CYTH3: variants seen among roughly 807,000 people sequenced by gnomAD.
CYTH3 encodes cytohesin 3, also known as cytohesin-3.
A neutral mutation model predicts 55.1 loss-of-function variants in CYTH3; 23 were observed. The ratio of observed to expected loss-of-function variants is 0.42; its 90% CI spans 0.30 to 0.59. The LOEUF (loss-of-function observed/expected upper bound fraction) is 0.59, where lower values mean the gene tolerates loss of function less well. Ranked by LOEUF, CYTH3 falls within the 20% of genes least tolerant of loss-of-function variation. The probability of loss-of-function intolerance (pLI) is 0.20; values close to 1 mark genes in which losing one functional copy is unlikely to be tolerated. For missense variants in CYTH3, 413 were observed against 524.8 expected (o/e 0.79, Z 2.08); for synonymous variants, 249 against 194.9 (o/e 1.28, Z -2.31).
chr7:6,170,264 G>A lies in CYTH3; in HGVS notation c.823+271C>T, dbSNP rs556882606. ...GCTTCTCGTGCAGGAAGCTGCCCTG[G>A]CTGGATCTGGATGCTAACTCAGCAG... On this transcript the variant is annotated intron_variant, in intron 9 of 12. Coordinates refer to ENST00000350796, the MANE Select transcript of CYTH3 (RefSeq NM_004227.4). This position sits in a 1 kb window ranked among gnomAD's most constrained non-coding sequence, Gnocchi z 7.8. 12 of 470,730 alleles carry A rather than the reference G, an allele frequency of 2.5e-5. No homozygotes were observed. Among genetic ancestry groups the A allele is most frequent in the Non-Finnish European group, 4.1e-5 (11 of 265,568 alleles). The allele number at this position is 470,730 out of a possible 1,614,324, so 29.2% of individuals were successfully genotyped here.
chr7:6,219,566 A>C (rs1396817177), intron 1 of CYTH3, among the ~76,000 whole-genome samples: 2 of 152,192 alleles, frequency 1.3e-5, no homozygotes, highest in Non-Finnish European at 2.9e-5. Context: ...CTCTTTGAAG[A>C]GATTTAAGCC....
chr7:6,255,758 GTTTTTTTTTT>G (rs397889923), intron 1 of CYTH3, among the ~76,000 whole-genome samples: 6 of 89,418 alleles, frequency 6.7e-5, no homozygotes, highest in Admixed American at 3.9e-4. Flanking sequence ...CCTTTAATCT[GTTTTTTTTTT>G]TTTTTTTTTT....
intron 1 of CYTH3, among the ~76,000 whole-genome samples, chr7:6,224,078 A>G (rs545861340): frequency 4.2e-4 from 64 of 152,224 alleles, no homozygotes; most frequent in African/African-American, 1.5e-3. Context: ...TCACACAGAA[A>G]AAAAGCAAAT....
rs548665331 is a variant in CYTH3 at position 6,164,704 on chromosome 7, A to G, written c.*240T>C. Reference sequence around the variant, plus strand: ...ACCCCAGCCACGGCAGGAGGCCTCGAGGATCAGTCTGGGCCACGGTACGCT... The same window carrying G: ...ACCCCAGCCACGGCAGGAGGCCTCGGGGATCAGTCTGGGCCACGGTACGCT... On this transcript the variant is annotated 3_prime_UTR_variant, in exon 13 of 13. Coordinates refer to ENST00000350796, the MANE Select transcript of CYTH3 (RefSeq NM_004227.4). 3 of 570,556 alleles carry G rather than the reference A, an allele frequency of 5.3e-6. No individual in the cohort carries two copies. In the Admixed American group the frequency reaches 9.4e-5, roughly 18 times the overall value. The allele number at this position is 570,556 out of a possible 1,614,324, so 35.3% of individuals were successfully genotyped here.
rs570466183 is a variant in CYTH3 at position 6,225,075 on chromosome 7, G to C, written c.35-34544C>G. ...GACTGCAAACAGGAGTGAGGGATCT[G>C]TTAGGGGTGAAGAAATGTTCTAAAA... On this transcript the variant is annotated intron_variant, in intron 1 of 12. Transcript: ENST00000350796. Among the ~76,000 whole-genome samples the C allele has an allele frequency of 2.0e-5, 3 of 152,312 alleles. 1 individual carries two copies. The highest frequency in any genetic ancestry group is 6.5e-5 in the Admixed American group (1 of 15,308).
chr7:6,220,595 A>C lies in CYTH3; in HGVS notation c.35-30064T>G, dbSNP rs75795597. Among the ~76,000 whole-genome samples the C allele has an allele frequency of 1.2e-3, 180 of 151,268 alleles. 1 individual carries two copies. The highest frequency in any genetic ancestry group is 4.2e-3 in the African/African-American group (174 of 41,288). ...GTCTCAAAAAAAAAAAAAAAAAAAA[A>C]CCAAAGGCTGGCAAAGATGTGGACA... On this transcript the variant is annotated intron_variant, in intron 1 of 12. Transcript: ENST00000350796.
rs986703442 is a variant in CYTH3, at chr7:6,165,217, G to A, written c.1127+56C>T. 2.9e-5 allele frequency: 45 copies of A among 1,576,966 alleles called. No homozygotes were observed. In the South Asian group the frequency reaches 4.1e-4, roughly 14 times the overall value. On this transcript the variant is annotated intron_variant, in intron 12 of 12. Coordinates refer to ENST00000350796, the MANE Select transcript of CYTH3 (RefSeq NM_004227.4). ...GCATCCATGTTCCAGACCATCCCCC[G>A]CCCTCCAACCGGCACGAGAAGACGG... is the stretch of plus-strand genomic sequence containing the variant.
At position 6,190,429 on chromosome 7, in the gene CYTH3, T is replaced by G. The variant is rs770671901; in HGVS notation, c.117+20A>C. 130 of 157,372 alleles carry G rather than the reference T, an allele frequency of 8.3e-4. No homozygotes were observed. Among genetic ancestry groups the G allele is most frequent in the Non-Finnish European group, 1.6e-3 (130 of 80,966 alleles). 9.7% of individuals were successfully genotyped at this position (157,372 alleles called of 1,614,324 possible). Reference sequence around the variant, plus strand: ...AAAAAACAGAGTTTTGGATTTTTGGTTTTTTTTTTTTTTTTTTACCTCAAT... The same window carrying G: ...AAAAAACAGAGTTTTGGATTTTTGGGTTTTTTTTTTTTTTTTTACCTCAAT... On this transcript the variant is annotated intron_variant, in intron 2 of 12. Coordinates refer to ENST00000350796, the MANE Select transcript of CYTH3 (RefSeq NM_004227.4).
At chr7:6,197,976 C>T (rs1783973831) in intron 1 of CYTH3, among the ~76,000 whole-genome samples, 1 of 151,888 alleles carries the variant, frequency 6.6e-6, no homozygotes, top group African/African-American at 2.4e-5. Flanking sequence ...TGCCCACAGT[C>T]CCGGGTACTC....
At chr7:6,254,879 A>G (rs572222322) in intron 1 of CYTH3, among the ~76,000 whole-genome samples, 1 of 152,362 alleles carries the variant, frequency 6.6e-6, no homozygotes, top group African/African-American at 2.4e-5. Context: ...GATTCATCGT[A>G]CCATTCCTTC....
At chr7:6,205,501 G>C (rs1038806418) in intron 1 of CYTH3, among the ~76,000 whole-genome samples, 2 of 149,004 alleles carry the variant, frequency 1.3e-5, no homozygotes, top group East Asian at 4.0e-4. Flanking sequence ...TTGAACCCAG[G>C]AGGTAGAAGT....
chr7:6,176,288 G>C (rs1385078034), intron 5 of CYTH3, among the ~76,000 whole-genome samples: 1 of 119,946 alleles, frequency 8.3e-6, no homozygotes, highest in African/African-American at 3.4e-5. Context: ...TTGAGCCAGA[G>C]TCTCACTCTG....
chr7:6,207,455 A>G lies in CYTH3; in HGVS notation c.35-16924T>C, dbSNP rs140676306. Among the ~76,000 whole-genome samples the G allele has an allele frequency of 1.2e-3, 183 of 152,222 alleles. 1 individual carries two copies. Among genetic ancestry groups the G allele is most frequent in the African/African-American group, 4.2e-3 (174 of 41,534 alleles). On this transcript the variant is annotated intron_variant, in intron 1 of 12. Transcript: ENST00000350796. ...TAAAGAATGCCTACTTTTTAATGGA[A>G]TAGCATTTAATTCAAACTTGATGTT...
At chr7:6,250,811 G>A (rs1339835463) in intron 1 of CYTH3, among the ~76,000 whole-genome samples, 1 of 152,190 alleles carries the variant, frequency 6.6e-6, no homozygotes, top group Non-Finnish European at 1.5e-5. Flanking sequence ...AATTTAAAAG[G>A]ATGACTATAA....
At chr7:6,198,902 T>C (rs936325848) in intron 1 of CYTH3, among the ~76,000 whole-genome samples, 3 of 151,958 alleles carry the variant, frequency 2.0e-5, no homozygotes, top group African/African-American at 7.3e-5. Flanking sequence ...TAGGAAAGGG[T>C]CCTTCAGACT....
intron 1 of CYTH3, among the ~76,000 whole-genome samples, chr7:6,234,019 C>T (rs757343603): frequency 3.3e-5 from 5 of 152,194 alleles, no homozygotes; most frequent in Non-Finnish European, 5.9e-5. Context: ...AGAACCACCT[C>T]CTAGTACCAT....
intron 4 of CYTH3, among the ~76,000 whole-genome samples, chr7:6,178,844 G>A (rs1257851518): frequency 6.6e-6 from 1 of 152,182 alleles, no homozygotes; most frequent in Non-Finnish European, 1.5e-5. Flanking sequence ...TGAATCAGCT[G>A]AGCACTGTCT....
At chr7:6,216,869 A>G (rs1020434155) in intron 1 of CYTH3, among the ~76,000 whole-genome samples, 1 of 151,966 alleles carries the variant, frequency 6.6e-6, no homozygotes, top group Admixed American at 6.6e-5. Flanking sequence ...AGGAAAAAAA[A>G]AAAAAAAAGA....
At position 6,161,886 on chromosome 7, in the gene CYTH3, G is replaced by A. The variant is rs886152286; in HGVS notation, c.*3058C>T. ...CACTTTACAACCAAGTATCAATAGA[G>A]GCTGTTCCTTCATGCGAGCTGTGGG... On this transcript the variant is annotated 3_prime_UTR_variant, in exon 13 of 13. Transcript: ENST00000350796. 2 of 152,568 alleles carry A rather than the reference G, an allele frequency of 1.3e-5. No homozygotes were observed. Among genetic ancestry groups the A allele is most frequent in the Non-Finnish European group, 2.9e-5 (2 of 68,050 alleles). The allele number at this position is 152,568 out of a possible 1,614,324, so 9.5% of individuals were successfully genotyped here. A position where few individuals can be genotyped will look rare whatever the true frequency, so the allele number is the denominator to read the frequency against.
Sources: gnomAD v4.1 joint callset for allele counts (sites outside exome capture counted in the v4.1 genomes callset) on GRCh38, gnomAD v4.1.1 for gene constraint, Gnocchi (gnomAD v3.1) non-coding constraint, MANE v1.5 for transcripts, NCBI Gene and HGNC (gene_info 2026-07-23, HGNC 2026-07-21) for gene names.